MDN1: variants seen among roughly 807,000 people sequenced by gnomAD.
MDN1 encodes midasin.
Under a neutral mutation model 669.2 loss-of-function variants are expected in MDN1, and 266 were observed. The ratio of observed to expected loss-of-function variants is 0.40; its 90% CI spans 0.36 to 0.44. The LOEUF is 0.44. Ranked by LOEUF, MDN1 falls within the 20% of genes least tolerant of loss-of-function variation. The pLI is 1.00. For synonymous variants in MDN1, 2,385 were observed against 2,457.1 expected (o/e 0.97, Z 0.87); for missense variants, 5,940 against 6,754.0 (o/e 0.88, Z 4.22).
At chr6:89,653,656 C>T (rs1436597930) in intron 93 of MDN1, among the ~76,000 whole-genome samples, 1 of 152,178 alleles carries the variant, frequency 6.6e-6, no homozygotes, top group Non-Finnish European at 1.5e-5. Flanking sequence ...GAAAAAGCCT[C>T]TGAATTTGGC....
rs9353688 is a variant in MDN1 at position 89,648,554 on chromosome 6, G to A, written c.16207-225C>T. 2.0e-5 allele frequency among the ~76,000 whole-genome samples: 3 copies of A among 152,260 alleles called. No homozygotes were observed. In the East Asian group the frequency reaches 5.8e-4, roughly 29 times the overall value. ...TCCATTACACTGATAGGAATGGTCT[G>A]CTGTAGACATCGAATAAAAAGTGAC... On this transcript the variant is annotated intron_variant, in intron 97 of 101. Coordinates refer to ENST00000369393, the MANE Select transcript of MDN1 (RefSeq NM_014611.3).
chr6:89,689,184 G>A (rs6914142), intron 65 of MDN1, among the ~76,000 whole-genome samples: 16,705 of 152,112 alleles, frequency 0.11, 1,032 homozygotes, highest in South Asian at 0.16. Flanking sequence ...GAACTAATTG[G>A]GACTAATGAA....
intron 53 of MDN1, 107 bp from the exon 54 acceptor site, chr6:89,702,168 G>T (rs1813204143): frequency 3.6e-6 from 4 of 1,105,814 alleles, no homozygotes; most frequent in South Asian, 1.8e-5. Flanking sequence ...CCCGGGAAAA[G>T]ACACACAACA....
chr6:89,749,185 C>T, intron 26 of MDN1, 38 bp downstream of exon 26: 2 of 1,544,622 alleles, frequency 1.3e-6, no homozygotes, highest in Non-Finnish European at 1.8e-6. Context: ...ATTTTGATCA[C>T]CAAGTATAAT....
At chr6:89,738,231 T>C in intron 33 of MDN1, 95 bp downstream of exon 33, 1 of 1,406,056 alleles carries the variant, frequency 7.1e-7, no homozygotes, top group East Asian at 2.3e-5. Flanking sequence ...ACACACCATA[T>C]ACACACAGGG....
In MDN1 at chr6:89,670,629, G is replaced by A. The variant is rs185895769; in HGVS notation, c.13956+290C>T. 3.9e-5 allele frequency among the ~76,000 whole-genome samples: 6 copies of A among 152,280 alleles called. 1 individual carries two copies. The highest frequency in any genetic ancestry group is 2.1e-4 in the South Asian group (1 of 4,830). On this transcript the variant is annotated intron_variant, in intron 83 of 101. Coordinates refer to ENST00000369393, the MANE Select transcript of MDN1 (RefSeq NM_014611.3). ...ACATTGGGGATGGGAAGGGAAGGGTGTTAACAGACGGCAGCAGCTTTTAGA... is the reference window on the plus strand; with the variant it reads ...ACATTGGGGATGGGAAGGGAAGGGTATTAACAGACGGCAGCAGCTTTTAGA...
chr6:89,740,103 G>T (rs1816203131), intron 32 of MDN1, 131 bp downstream of exon 32: 4 of 973,442 alleles, frequency 4.1e-6, no homozygotes, highest in Non-Finnish European at 5.8e-6. Flanking sequence ...AAATATTTTT[G>T]AGTTTTTACA....
chr6:89,754,098 C>A lies in MDN1; in HGVS notation c.2949G>T (p.Gln983His). 6.2e-7 allele frequency: 1 copy of A among 1,613,976 alleles called. No individual in the cohort carries two copies. Among genetic ancestry groups the A allele is most frequent in the Non-Finnish European group, 8.5e-7 (1 of 1,179,958 alleles). The change falls in exon 21 of 102, where the codon CAG becomes CAT. Residue 983 changes from glutamine to histidine, a missense_variant. Coordinates refer to ENST00000369393, the MANE Select transcript of MDN1 (RefSeq NM_014611.3). ...FAASNPCGNI[Q>H]RSLYEGFCLG... Reference sequence around the variant, plus strand: ...TCAGAAAGACCTCATAGAGTGAGCGCTGAATGTTGCCACATGGATTGGAGG... The same window carrying A: ...TCAGAAAGACCTCATAGAGTGAGCGATGAATGTTGCCACATGGATTGGAGG...
At chr6:89,743,407 A>C (rs1816396610) in intron 30 of MDN1, 127 bp from the exon 31 acceptor site, 16 of 1,390,028 alleles carry the variant, frequency 1.2e-5, no homozygotes, top group Non-Finnish European at 1.5e-5. Flanking sequence ...AGAACAGGAG[A>C]TAGAACTTGC....
intron 45 of MDN1, among the ~76,000 whole-genome samples, chr6:89,715,185 C>G (rs938928613): frequency 6.6e-6 from 1 of 152,192 alleles, no homozygotes; most frequent in African/African-American, 2.4e-5. Flanking sequence ...CCGGTAGACC[C>G]TCCCCACATT....
intron 64 of MDN1, 22 bp downstream of exon 64, chr6:89,690,651 C>T (rs1300297759): frequency 1.2e-6 from 2 of 1,613,256 alleles, no homozygotes; most frequent in Non-Finnish European, 8.5e-7. Context: ...TTCCAAAACA[C>T]ACCCTGCCAT....
intron 85 of MDN1, among the ~76,000 whole-genome samples, chr6:89,663,985 C>T (rs565514862): frequency 1.3e-5 from 2 of 151,310 alleles, no homozygotes; most frequent in East Asian, 3.9e-4. Context: ...GACTACAGAA[C>T]GGTATATGGT....
At chr6:89,756,540 A>G in intron 19 of MDN1, 150 bp from the exon 20 acceptor site, 3 of 513,902 alleles carry the variant, frequency 5.8e-6, no homozygotes, top group Non-Finnish European at 6.8e-6. Context: ...ACTTAGCATA[A>G]TTAAAGGATA....
In MDN1 at chr6:89,718,419, A is replaced by G. The variant is rs1814565804; in HGVS notation, c.6530T>C (p.Val2177Ala). The change falls in exon 43 of 102, where the codon GTG (valine) becomes GCG (alanine). Residue 2177 changes from valine to alanine, a missense_variant. Transcript: ENST00000369393. The part of the protein sequence containing the change: ...TMEIVNKLEA[V>A]LLLMQRLNNK... Reference sequence around the variant, plus strand: ...GTTGAGTCGCTGCATAAGCAATAACACTGCTTCTAGTTTGTTGACAATCTC... The same window carrying G: ...GTTGAGTCGCTGCATAAGCAATAACGCTGCTTCTAGTTTGTTGACAATCTC... 6.2e-7 allele frequency: 1 copy of G among 1,614,134 alleles called. No individual in the cohort carries two copies. Among genetic ancestry groups the G allele is most frequent in the Non-Finnish European group, 8.5e-7 (1 of 1,180,018 alleles).
rs1812054999 is a variant in MDN1 at position 89,686,978 on chromosome 6, C to T, written c.11496G>A (p.Glu3832=). 6.2e-7 allele frequency: 1 copy of T among 1,613,844 alleles called. No individual in the cohort carries two copies. Among genetic ancestry groups the T allele is most frequent in the South Asian group, 1.1e-5 (1 of 91,072 alleles). The change falls in exon 69 of 102, where the codon GAG becomes GAA. Residue 3832 remains glutamate, a synonymous_variant. Coordinates refer to ENST00000369393, the MANE Select transcript of MDN1 (RefSeq NM_014611.3). ...SLDNTMKRHT[E]KSTKHWFSIY... is the part of the protein sequence containing the mutation. ...TGGAGAACCAGTGCTTGGTGGATTT[C>T]TCGGTGTGGCGCTTCATAGTATTAT...
intron 97 of MDN1, 103 bp downstream of exon 97, chr6:89,649,921 T>C: frequency 8.4e-7 from 1 of 1,197,354 alleles, no homozygotes; most frequent in South Asian, 1.3e-5. Flanking sequence ...CCATATCATA[T>C]TTAAAGCATT....
chr6:89,793,787 C>A lies in MDN1; in HGVS notation c.830G>T (p.Gly277Val). The A allele has an allele frequency of 6.2e-7, 1 of 1,613,900 alleles. No individual in the cohort carries two copies. The change falls in exon 5 of 102, where the codon GGG (glycine) becomes GTG (valine). Residue 277 changes from glycine (G) to valine (V), a missense_variant. Physicochemically the swap from Gly to Val is moderately radical, Grantham distance 109 (BLOSUM62 -3). This residue lies in a region of MDN1 where 1,203 missense variants were observed against 1,268.9 expected (regional missense o/e 0.95). Coordinates refer to ENST00000369393, the MANE Select transcript of MDN1 (RefSeq NM_014611.3). ...CAGCTCTCCAGGGGCTGGCAGCTGC[C>A]CAGGCAGCACCACACCACAAACAGC... The part of the protein sequence containing the change: ...VTAVCGVVLP[G>V]QLPAPGELGG...
chr6:89,753,432 A>C (rs200648392), intron 22 of MDN1, 80 bp downstream of exon 22: 1 of 840,340 alleles, frequency 1.2e-6, no homozygotes, highest in Non-Finnish European at 1.7e-6. Flanking sequence ...AGTTATGTGA[A>C]AAAAAAAAAA....
chr6:89,774,861 G>A, intron 12 of MDN1, 128 bp from the exon 13 acceptor site: 2 of 603,926 alleles, frequency 3.3e-6, no homozygotes, highest in Middle Eastern at 4.6e-4. Flanking sequence ...CCAGATAGTT[G>A]AGTTGGCTTT....
Sources: allele counts gnomAD v4.1 joint callset (sites outside exome capture counted in the v4.1 genomes callset), GRCh38; gene constraint gnomAD v4.1.1; regional missense constraint gnomAD v4.1.1; transcripts MANE v1.5; gene names NCBI Gene and HGNC (gene_info 2026-07-23, HGNC 2026-07-21).